ICA1: variants seen among roughly 807,000 people sequenced by gnomAD.
The protein encoded by ICA1 is islet cell autoantigen 1.
ICA1 carries 40 observed loss-of-function variants against 71.0 expected under a neutral mutation model. The observed-to-expected ratio is 0.56, with a 90% CI of 0.44 to 0.73. ICA1 has a LOEUF of 0.73. Ranked by LOEUF, ICA1 falls within the 30% of genes least tolerant of loss-of-function variation. The pLI, the probability that ICA1 is intolerant of heterozygous loss-of-function variation, is 0.00. For synonymous variants in ICA1, 207 were observed against 209.5 expected (o/e 0.99, Z 0.10); for missense variants, 578 against 576.5 (o/e 1.00, Z -0.03).
Position 8,235,929 on chromosome 7 carries a change from T to TTTC in ICA1, c.-6_-4dup. ...ACTTACCATTTGTGTCCTGACATGT[T>TTTC]TTCTTCTTCTTCTATTGTTGATGAT... is the stretch of plus-strand genomic sequence containing the variant. On this transcript the variant is annotated 5_prime_UTR_variant, in exon 2 of 14. Coordinates refer to ENST00000402384, the MANE Select transcript of ICA1 (RefSeq NM_001136020.3). 1 of 1,613,248 alleles carries TTTC rather than the reference T, an allele frequency of 6.2e-7. No homozygotes were observed. The highest frequency in any genetic ancestry group is 8.5e-7 in the Non-Finnish European group (1 of 1,179,646).
chr7:8,204,827 T>C lies in ICA1; in HGVS notation c.579+13478A>G, dbSNP rs1790943707. 2.0e-5 allele frequency among the ~76,000 whole-genome samples: 3 copies of C among 152,216 alleles called. No individual in the cohort carries two copies. The South Asian group carries it at 6.2e-4, about 31-fold the overall frequency. The stretch of plus-strand genomic sequence containing the variant: ...TATATTTTCAAAATACTCTTTCCTA[T>C]TGTCATCTCCTTAATGTCAACTTTA... On this transcript the variant is annotated intron_variant, in intron 6 of 13. Transcript: ENST00000402384.
rs529980145 is a variant in ICA1 at position 8,160,127 on chromosome 7, C to T, written c.580-1475G>A. ...AATAAAGAAATTTTTCAAGCCATTGCAAAAGGTGAGGTATTTGCATGCATT... is the reference window on the plus strand; with the variant it reads ...AATAAAGAAATTTTTCAAGCCATTGTAAAAGGTGAGGTATTTGCATGCATT... On this transcript the variant is annotated intron_variant, in intron 6 of 13. Transcript: ENST00000402384. Among the ~76,000 whole-genome samples the T allele has an allele frequency of 5.3e-5, 8 of 152,158 alleles. No homozygotes were observed. In the South Asian group the frequency reaches 1.7e-3, roughly 32 times the overall value.
At chr7:8,232,441 AT>A (rs1241341802) in intron 3 of ICA1, 148 bp downstream of exon 3, 1 of 555,148 alleles carries the variant, frequency 1.8e-6, no homozygotes, top group Non-Finnish European at 2.8e-6. Flanking sequence ...GCAGGTTTTA[AT>A]AAATATGCTG....
At chr7:8,131,282 C>A (rs965629025) in intron 12 of ICA1, among the ~76,000 whole-genome samples, 1 of 152,250 alleles carries the variant, frequency 6.6e-6, no homozygotes, top group South Asian at 2.1e-4. Flanking sequence ...ACTGAGTGTC[C>A]CCATTACATG....
At chr7:8,134,013 T>C (rs1302294320) in intron 12 of ICA1, among the ~76,000 whole-genome samples, 2 of 152,132 alleles carry the variant, frequency 1.3e-5, no homozygotes, top group African/African-American at 4.8e-5. Context: ...GTCAAGGTGT[T>C]TTCTCACTGT....
intron 13 of ICA1, chr7:8,114,905 C>T (rs3807853): frequency 0.1 from 15,234 of 152,140 alleles, 869 homozygotes; most frequent in East Asian, 0.16. Context: ...ATGAAGAAAA[C>T]GTCTCTGATG....
intron 9 of ICA1, 56 bp downstream of exon 9, chr7:8,143,819 C>G: frequency 3.5e-6 from 4 of 1,151,396 alleles, no homozygotes; most frequent in Non-Finnish European, 5.2e-6. Context: ...CAGCGAGAAC[C>G]ACATAACTCT....
chr7:8,131,488 C>T (rs1246642678), intron 12 of ICA1, among the ~76,000 whole-genome samples: 1 of 152,152 alleles, frequency 6.6e-6, no homozygotes, highest in Non-Finnish European at 1.5e-5. Context: ...ATTTTGCCTA[C>T]ACTGAGGTCT....
At chr7:8,131,781 T>C (rs968548213) in intron 12 of ICA1, among the ~76,000 whole-genome samples, 4 of 152,178 alleles carry the variant, frequency 2.6e-5, no homozygotes, top group African/African-American at 9.7e-5. Context: ...AGCTCTATAG[T>C]CAGTTGGCTC....
At chr7:8,198,921 T>C (rs1788602920) in intron 6 of ICA1, among the ~76,000 whole-genome samples, 1 of 152,134 alleles carries the variant, frequency 6.6e-6, no homozygotes, top group African/African-American at 2.4e-5. Context: ...AATAATCTGA[T>C]ATAAAAGTGG....
chr7:8,115,215 A>G (rs940762438), intron 13 of ICA1, among the ~76,000 whole-genome samples: 5 of 152,344 alleles, frequency 3.3e-5, no homozygotes, highest in Non-Finnish European at 2.9e-5. Flanking sequence ...TGAGAAAACT[A>G]TATCAAGACT....
intron 3 of ICA1, among the ~76,000 whole-genome samples, chr7:8,232,126 A>G (rs912348552): frequency 6.6e-6 from 1 of 152,212 alleles, no homozygotes; most frequent in African/African-American, 2.4e-5. Flanking sequence ...CCAGCTTACT[A>G]TATTGTTAAC....
At chr7:8,141,376 C>T (rs906938020) in intron 10 of ICA1, among the ~76,000 whole-genome samples, 1 of 152,218 alleles carries the variant, frequency 6.6e-6, no homozygotes, top group African/African-American at 2.4e-5. Context: ...CCGCCCCACA[C>T]ATACCGCAAA....
chr7:8,225,071 C>A (rs1798207321), intron 4 of ICA1, among the ~76,000 whole-genome samples: 1 of 152,144 alleles, frequency 6.6e-6, no homozygotes, highest in African/African-American at 2.4e-5. Context: ...CTTTTGTAAT[C>A]ATTACAGATC....
intron 6 of ICA1, among the ~76,000 whole-genome samples, chr7:8,191,355 T>C (rs772598136): frequency 2.0e-5 from 3 of 152,226 alleles, no homozygotes; most frequent in Non-Finnish European, 2.9e-5. Flanking sequence ...GTTTTTGACT[T>C]TGCCAAGATG....
At chr7:8,117,039 G>A (rs548563422) in intron 13 of ICA1, among the ~76,000 whole-genome samples, 40 of 152,296 alleles carry the variant, frequency 2.6e-4, no homozygotes, top group African/African-American at 8.7e-4. Context: ...CCCCCATGCT[G>A]TTCTCCTGAT....
intron 1 of ICA1, among the ~76,000 whole-genome samples, chr7:8,255,779 C>CTTTTTCTT (rs1554396260): frequency 9.8e-5 from 13 of 132,930 alleles, no homozygotes; most frequent in African/African-American, 3.7e-4. Context: ...ACTTCTTTCT[C>CTTTTTCTT]TTTTTTTTTT....
At chr7:8,121,299 G>A (rs1786823301) in intron 13 of ICA1, among the ~76,000 whole-genome samples, 1 of 152,266 alleles carries the variant, frequency 6.6e-6, no homozygotes, top group South Asian at 2.1e-4. Context: ...CAGCCAGCCA[G>A]CAAGTACTTT....
At position 8,242,936 on chromosome 7, in the gene ICA1, C is replaced by T. The variant is rs1365296989; in HGVS notation, c.-79-6931G>A. 4.6e-5 allele frequency among the ~76,000 whole-genome samples: 7 copies of T among 152,190 alleles called. No individual in the cohort carries two copies. The East Asian group carries it at 1.3e-3, about 29-fold the overall frequency. ...GAGGCAATAATTAATAGCCTACCAACCAAAAAAAGTCCAGGACCAGACGGA... is the reference window on the plus strand; with the variant it reads ...GAGGCAATAATTAATAGCCTACCAATCAAAAAAAGTCCAGGACCAGACGGA... On this transcript the variant is annotated intron_variant, in intron 1 of 13. Coordinates refer to ENST00000402384, the MANE Select transcript of ICA1 (RefSeq NM_001136020.3).
Sources: gnomAD v4.1 joint callset for allele counts (sites outside exome capture counted in the v4.1 genomes callset) on GRCh38, gnomAD v4.1.1 for gene constraint, MANE v1.5 for transcripts, NCBI Gene and HGNC (gene_info 2026-07-23, HGNC 2026-07-21) for gene names.